Variants in RHOBTB1 observed in about 807,000 individuals in gnomAD.
The protein encoded by RHOBTB1 is Rho related BTB domain containing 1.
In RHOBTB1, 40 loss-of-function variants were observed where a neutral mutation model predicts 71.6. That is an observed-to-expected ratio of 0.56 (90% confidence interval 0.43 to 0.73). The LOEUF is 0.73. Among genes scored for constraint, RHOBTB1 ranks in the 30% least tolerant of loss-of-function variants. The pLI, the probability that RHOBTB1 is intolerant of heterozygous loss-of-function variation, is 0.00. For missense variants in RHOBTB1, 797 were observed against 894.0 expected, an observed-to-expected ratio of 0.89 and a Z score of 1.38; for synonymous variants, 319 against 334.9, an observed-to-expected ratio of 0.95 and a Z score of 0.52.
At chr10:60,909,694 G>GA (rs988294413) in intron 4 of RHOBTB1, among the ~76,000 whole-genome samples, 2 of 151,722 alleles carry the variant, frequency 1.3e-5, no homozygotes, top group Non-Finnish European at 2.9e-5. Flanking sequence ...ATTATAGAAA[G>GA]AAAAAAAATC....
At chr10:60,904,644 C>A (rs2082574593) in intron 4 of RHOBTB1, among the ~76,000 whole-genome samples, 1 of 152,130 alleles carries the variant, frequency 6.6e-6, no homozygotes, top group South Asian at 2.1e-4. Flanking sequence ...CGGTGTTTAC[C>A]AAAGTGGGGC....
intron 4 of RHOBTB1, among the ~76,000 whole-genome samples, chr10:60,899,120 C>T (rs10994565): frequency 0.3 from 45,179 of 152,048 alleles, 7,041 homozygotes; most frequent in East Asian, 0.56. Flanking sequence ...CTATACTTGG[C>T]AAATCATACT....
chr10:60,936,286 T>TG (rs1337874213), intron 2 of RHOBTB1, among the ~76,000 whole-genome samples: 1 of 152,210 alleles, frequency 6.6e-6, no homozygotes, highest in Non-Finnish European at 1.5e-5. Flanking sequence ...AGAAGAGTTC[T>TG]GCAAAAAACA....
Position 60,870,794 on chromosome 10 carries a change from GA to G in RHOBTB1, c.*687del. The stretch of plus-strand genomic sequence containing the variant: ...TTGAAACTAGACATTGGAAACAACA[GA>G]ATATTTGATATCACTATATTTTACA... On this transcript the variant is annotated 3_prime_UTR_variant, in exon 11 of 11. Transcript: ENST00000337910. 6.5e-6 allele frequency: 1 copy of G among 152,672 alleles called. No homozygotes were observed. Among genetic ancestry groups the G allele is most frequent in the East Asian group, 1.9e-4 (1 of 5,180 alleles). 9.5% of individuals were successfully genotyped at this position (152,672 alleles called of 1,614,324 possible). A position where few individuals can be genotyped will look rare whatever the true frequency, so the allele number is the denominator to read the frequency against.
chr10:60,906,468 C>T (rs1006148510), intron 4 of RHOBTB1, among the ~76,000 whole-genome samples: 3 of 152,198 alleles, frequency 2.0e-5, no homozygotes, highest in Non-Finnish European at 4.4e-5. Context: ...ATTTTGTCAT[C>T]CATCATCATC....
intron 4 of RHOBTB1, among the ~76,000 whole-genome samples, chr10:60,907,671 G>A (rs1451368279): frequency 6.6e-6 from 1 of 152,164 alleles, no homozygotes; most frequent in Non-Finnish European, 1.5e-5. Context: ...ATAGATGGAT[G>A]ATTTCCCTTC....
chr10:60,958,600 T>C (rs1288967718), intron 2 of RHOBTB1, among the ~76,000 whole-genome samples: 2 of 152,020 alleles, frequency 1.3e-5, no homozygotes, highest in African/African-American at 2.4e-5. Context: ...TGGGTTTATG[T>C]TGTTGTTTTG....
upstream of RHOBTB1, among the ~76,000 whole-genome samples, chr10:60,949,034 C>T (rs918170692): frequency 1.3e-5 from 2 of 152,182 alleles, no homozygotes; most frequent in African/African-American, 4.8e-5. Flanking sequence ...GGCTGTTGGG[C>T]TCCAGCTAGT....
At chr10:60,922,017 T>C (rs534272231) in intron 2 of RHOBTB1, among the ~76,000 whole-genome samples, 5 of 152,128 alleles carry the variant, frequency 3.3e-5, no homozygotes, top group African/African-American at 9.7e-5. Context: ...TAGGATTGGA[T>C]TGGATTTAGA....
chr10:60,994,315 T>C (rs928881650), intron 1 of RHOBTB1, among the ~76,000 whole-genome samples: 1 of 152,080 alleles, frequency 6.6e-6, no homozygotes, highest in Admixed American at 6.6e-5. Flanking sequence ...CTACAATAAA[T>C]AAAACAAAGT....
At chr10:60,963,024 C>T (rs1414633917) in intron 2 of RHOBTB1, among the ~76,000 whole-genome samples, 1 of 151,910 alleles carries the variant, frequency 6.6e-6, no homozygotes, top group Non-Finnish European at 1.5e-5. Flanking sequence ...TAATACAGAC[C>T]ACGGCTACAG....
intron 2 of RHOBTB1, among the ~76,000 whole-genome samples, chr10:60,975,805 C>T (rs1317071843): frequency 6.6e-6 from 1 of 152,010 alleles, no homozygotes; most frequent in African/African-American, 2.4e-5. Flanking sequence ...CCAATGAAAA[C>T]AGAAACACTG....
chr10:60,885,951 T>G (rs1471819419), intron 7 of RHOBTB1, among the ~76,000 whole-genome samples, 161 bp downstream of exon 7: 1 of 152,192 alleles, frequency 6.6e-6, no homozygotes, highest in Non-Finnish European at 1.5e-5. Context: ...CAAGCACTAC[T>G]AAGGAGCAAT....
At chr10:60,875,092 C>G in intron 8 of RHOBTB1, 50 bp from the exon 9 acceptor site, 1 of 1,417,420 alleles carries the variant, frequency 7.1e-7, no homozygotes, top group Non-Finnish European at 1.0e-6. Context: ...CCCTGCGAGC[C>G]AGGTAGCTTG....
At chr10:60,932,175 A>T (rs2084292627) in intron 2 of RHOBTB1, among the ~76,000 whole-genome samples, 1 of 152,202 alleles carries the variant, frequency 6.6e-6, no homozygotes, top group Admixed American at 6.5e-5. Context: ...CCCAAATTTA[A>T]CATTGTAATC....
chr10:60,938,794 GCT>G (rs1446681258), intron 2 of RHOBTB1, among the ~76,000 whole-genome samples: 10 of 152,020 alleles, frequency 6.6e-5, no homozygotes, highest in Admixed American at 3.3e-4. Flanking sequence ...GCAAATCCAA[GCT>G]CTGTTTCCTA....
intron 2 of RHOBTB1, among the ~76,000 whole-genome samples, chr10:60,931,712 T>C (rs2084266992): frequency 1.3e-5 from 2 of 152,144 alleles, no homozygotes; most frequent in African/African-American, 4.8e-5. Context: ...TATATGTATA[T>C]ATAAAGCATA....
intron 2 of RHOBTB1, among the ~76,000 whole-genome samples, chr10:60,952,309 A>G (rs2085440015): frequency 6.6e-6 from 1 of 152,208 alleles, no homozygotes; most frequent in Non-Finnish European, 1.5e-5. Context: ...TTACAGTGTC[A>G]TAAACAAGTA....
rs571325316 is a variant in RHOBTB1 at position 60,985,398 on chromosome 10, A to C, written c.-62+447T>G. Reference sequence around the variant, plus strand: ...TTAAAGACATTCAGTGCCCAGGCCAAAAAGGGCGGATGCTCCAAGCTAAGG... The same window carrying C: ...TTAAAGACATTCAGTGCCCAGGCCACAAAGGGCGGATGCTCCAAGCTAAGG... On this transcript the variant is annotated intron_variant, in intron 2 of 11. Transcript: ENST00000357917. Among the ~76,000 whole-genome samples the C allele has an allele frequency of 3.9e-5, 6 of 152,318 alleles. No homozygotes were observed. In the South Asian group the frequency reaches 1.2e-3, roughly 32 times the overall value.
Sources: gnomAD v4.1 joint callset for allele counts (sites outside exome capture counted in the v4.1 genomes callset) on GRCh38, gnomAD v4.1.1 for gene constraint, MANE v1.5 for transcripts, NCBI Gene and HGNC (gene_info 2026-07-23, HGNC 2026-07-21) for gene names.